Variants in MTUS2 observed in about 807,000 individuals in gnomAD.
MTUS2 encodes the protein microtubule associated scaffold protein 2, also known as microtubule-associated tumor suppressor candidate 2.
In MTUS2, 40 loss-of-function variants were observed where a neutral mutation model predicts 114.1. The observed-to-expected ratio is 0.35, with a 90% CI of 0.27 to 0.46. The LOEUF (loss-of-function observed/expected upper bound fraction) is 0.46. Ranked by LOEUF, MTUS2 falls within the 20% of genes least tolerant of loss-of-function variation. The pLI, the probability that MTUS2 is intolerant of heterozygous loss-of-function variation, is 1.00. For synonymous variants in MTUS2, 688 were observed against 672.0 expected, an observed-to-expected ratio of 1.02 and a Z score of -0.37; for missense variants, 1,679 against 1,705.4, an observed-to-expected ratio of 0.98 and a Z score of 0.27.
intron 4 of MTUS2, among the ~76,000 whole-genome samples, chr13:29,059,935 C>T (rs924686107): frequency 6.6e-6 from 1 of 152,252 alleles, no homozygotes; most frequent in Non-Finnish European, 1.5e-5. Context: ...TGAGTTTCCA[C>T]AGAAGCAGCA....
At chr13:29,140,021 C>G (rs557032342) in intron 5 of MTUS2, among the ~76,000 whole-genome samples, 1 of 152,164 alleles carries the variant, frequency 6.6e-6, no homozygotes, top group Non-Finnish European at 1.5e-5. Flanking sequence ...TGGTTGTCAG[C>G]GTTGAGAATT....
At chr13:28,861,625 A>T (rs1392363383) in intron 2 of MTUS2, among the ~76,000 whole-genome samples, 2 of 152,128 alleles carry the variant, frequency 1.3e-5, no homozygotes, top group Non-Finnish European at 2.9e-5. Context: ...ATTTGTCACC[A>T]ATCAGGAGTC....
At chr13:29,031,269 T>TGTGTGTGTGTGTGTGG (rs1223710633) in intron 3 of MTUS2, among the ~76,000 whole-genome samples, 1 of 128,100 alleles carries the variant, frequency 7.8e-6, no homozygotes. Context: ...TGTGTGTGTG[T>TGTGTGTGTGTGTGTGG]GGTGTGTGTT....
chr13:29,004,409 G>A (rs539277314), intron 2 of MTUS2, among the ~76,000 whole-genome samples: 3 of 152,052 alleles, frequency 2.0e-5, no homozygotes, highest in African/African-American at 4.8e-5. Context: ...CTCCCAATGC[G>A]TAGTTGTAGT....
rs181114183 is a variant in MTUS2, at chr13:29,384,969, G to T, written c.3117+25496G>T. The stretch of plus-strand genomic sequence containing the variant: ...TGCTATATCAGTTTTTAATGCTAGT[G>T]TTGGGATGCAATTTTAATCCTGATC... On this transcript the variant is annotated intron_variant, in intron 8 of 15. Transcript: ENST00000612955. Among the ~76,000 whole-genome samples, 6 of 152,324 alleles carry T rather than the reference G, an allele frequency of 3.9e-5. No individual in the cohort carries two copies. In the East Asian group the frequency reaches 9.6e-4, roughly 24 times the overall value.
intron 5 of MTUS2, among the ~76,000 whole-genome samples, chr13:29,186,718 T>G (rs956551497): frequency 1.3e-5 from 2 of 152,182 alleles, no homozygotes; most frequent in Non-Finnish European, 2.9e-5. Flanking sequence ...GCACCTAGAA[T>G]GAAGGCAAAC....
chr13:29,350,125 C>T (rs1435572506), intron 7 of MTUS2, among the ~76,000 whole-genome samples: 2 of 151,898 alleles, frequency 1.3e-5, no homozygotes, highest in Non-Finnish European at 2.9e-5. Flanking sequence ...CTTTTCCTTT[C>T]CCTTTCTTTT....
intron 8 of MTUS2, among the ~76,000 whole-genome samples, chr13:29,407,448 T>C (rs951909913): frequency 3.3e-5 from 1 of 30,118 alleles, no homozygotes; most frequent in African/African-American, 1.3e-4. Flanking sequence ...GTGATTGTAC[T>C]TATTTATTTA....
At chr13:29,204,913 G>T (rs1187468880) in intron 5 of MTUS2, among the ~76,000 whole-genome samples, 1 of 152,172 alleles carries the variant, frequency 6.6e-6, no homozygotes, top group African/African-American at 2.4e-5. Flanking sequence ...ACATCATGGG[G>T]TGCAGCTGCA....
Position 29,307,474 on chromosome 13 carries a change from T to G in MTUS2, c.2807-17139T>G, listed in dbSNP as rs1448834969. 6.0e-6 allele frequency: 8 copies of G among 1,332,952 alleles called. No homozygotes were observed. In the African/African-American group the frequency reaches 1.2e-4, roughly 19 times the overall value. The allele number at this position is 1,332,952 out of a possible 1,614,324, so 82.6% of individuals were successfully genotyped here. ...GAATGGGAAGCTCACTGGCATGGCC[T>G]TCTGTGTCCCCACTGCCAACTTGTC... On this transcript the variant is annotated intron_variant, in intron 6 of 15. Coordinates refer to ENST00000612955, the MANE Select transcript of MTUS2 (RefSeq NM_001033602.4).
chr13:28,847,147 G>A (rs1256260619), intron 2 of MTUS2, among the ~76,000 whole-genome samples: 1 of 152,168 alleles, frequency 6.6e-6, no homozygotes, highest in Non-Finnish European at 1.5e-5. Context: ...AGGATGGCAA[G>A]AGAAGCCTGC....
In MTUS2 at chr13:29,024,707, C is replaced by T; in HGVS notation, c.9C>T (p.Val3=). Residue 3 remains valine, a synonymous_variant, in exon 3 of 16, where the codon GTC becomes GTT. Coordinates refer to ENST00000612955, the MANE Select transcript of MTUS2 (RefSeq NM_001033602.4). Reference sequence around the variant, plus strand: ...CCACCAAAGGGTTGACAATGAGCGTCCCAGTGGCTCCTAAGAAATCATGTT... The same window carrying T: ...CCACCAAAGGGTTGACAATGAGCGTTCCAGTGGCTCCTAAGAAATCATGTT... MS[V]PVAPKKSCYT... The T allele has an allele frequency of 6.2e-7, 1 of 1,613,766 alleles. No homozygotes were observed. Among genetic ancestry groups the T allele is most frequent in the Non-Finnish European group, 8.5e-7 (1 of 1,179,778 alleles).
rs564177648 is a variant in MTUS2 at position 28,979,547 on chromosome 13, T to C, written c.-242-44910T>C. On this transcript the variant is annotated intron_variant, in intron 2 of 15. Transcript: ENST00000612955. ...TTTTTTTTCTAAAAAGATTTAGTTA[T>C]ATTATCTTGAGGAAAAGATTTAGAA... Among the ~76,000 whole-genome samples, 5 of 152,336 alleles carry C rather than the reference T, an allele frequency of 3.3e-5. No homozygotes were observed. In the East Asian group the frequency reaches 9.7e-4, roughly 29 times the overall value.
chr13:29,438,879 C>T (rs1476458024), intron 8 of MTUS2, among the ~76,000 whole-genome samples: 1 of 152,132 alleles, frequency 6.6e-6, no homozygotes, highest in Non-Finnish European at 1.5e-5. Flanking sequence ...CGAGACCCTC[C>T]CACCAACCCA....
In MTUS2 at chr13:29,289,464, CT is replaced by C. The variant is rs532952669; in HGVS notation, c.2806+7615del. Among the ~76,000 whole-genome samples the C allele has an allele frequency of 6.6e-3, 921 of 139,668 alleles. 4 individuals are homozygous for C. Among genetic ancestry groups the C allele is most frequent in the South Asian group, 0.033 (148 of 4,426 alleles). 91.6% of individuals were successfully genotyped at this position (139,668 alleles called of 152,430 possible). A position where few individuals can be genotyped will look rare whatever the true frequency, so the allele number is the denominator to read the frequency against. ...AGGACATAGAACAAAGTAGGCATTT[CT>C]TTTTTTTTTTTTTTTGAGACGGAGT... On this transcript the variant is annotated intron_variant, in intron 6 of 15. Coordinates refer to ENST00000612955, the MANE Select transcript of MTUS2 (RefSeq NM_001033602.4).
chr13:29,112,172 T>C (rs141575457), intron 5 of MTUS2, among the ~76,000 whole-genome samples: 130 of 152,158 alleles, frequency 8.5e-4, no homozygotes, highest in African/African-American at 3.0e-3. Flanking sequence ...ACTGACATCA[T>C]TGAGGGAGTG....
rs549050675 is a variant in MTUS2, at chr13:29,447,820, G to T, written c.3184+7771G>T. On this transcript the variant is annotated intron_variant, in intron 9 of 15. Transcript: ENST00000612955. ...ACCACACCCAGGGAGGAAAAGCAGA[G>T]ATGCTAGAAATATATTTAATATTTG... is the stretch of plus-strand genomic sequence containing the variant. Among the ~76,000 whole-genome samples, 144 of 152,078 alleles carry T rather than the reference G, an allele frequency of 9.5e-4. 7 individuals are homozygous for T. In the South Asian group the frequency reaches 0.026, roughly 27 times the overall value.
chr13:28,994,563 T>C (rs1885007207), intron 2 of MTUS2, among the ~76,000 whole-genome samples: 1 of 152,230 alleles, frequency 6.6e-6, no homozygotes, highest in Non-Finnish European at 1.5e-5. Flanking sequence ...CCAGCACCTG[T>C]TGTTTCCTGA....
intron 5 of MTUS2, among the ~76,000 whole-genome samples, chr13:29,104,389 T>A (rs1005995803): frequency 6.6e-6 from 1 of 152,106 alleles, no homozygotes; most frequent in African/African-American, 2.4e-5. Flanking sequence ...GGAAGATATA[T>A]GCATGATTTG....
Sources: allele counts gnomAD v4.1 joint callset (sites outside exome capture counted in the v4.1 genomes callset), GRCh38; gene constraint gnomAD v4.1.1; transcripts MANE v1.5; gene names NCBI Gene and HGNC (gene_info 2026-07-23, HGNC 2026-07-21).